Variants in AOPEP observed in about 807,000 individuals in gnomAD.
AOPEP encodes the protein aminopeptidase O (putative).
AOPEP carries 77 observed loss-of-function variants against 98.1 expected under a neutral mutation model. The observed-to-expected ratio is 0.78, with a 90% CI of 0.65 to 0.95. The LOEUF (loss-of-function observed/expected upper bound fraction) is 0.95, where lower values mean the gene tolerates loss of function less well. Ranked by LOEUF, AOPEP falls within the 40% of genes least tolerant of loss-of-function variation. The pLI is 0.00. For synonymous variants in AOPEP, 346 were observed against 365.3 expected (o/e 0.95, Z 0.60); for missense variants, 1,024 against 1,024.7 (o/e 1.00, Z 0.01).
At chr9:95,122,110 G>A in the AOPEP span, among the ~76,000 whole-genome samples, 133 of 151,998 alleles carry the variant, frequency 8.8e-4, 1 homozygote, top group East Asian at 6.8e-3. Flanking sequence ...TGCCTGCCTC[G>A]ACCTCCCAAA....
chr9:95,058,986 A>G (rs972506590), intron 13 of AOPEP, among the ~76,000 whole-genome samples: 3 of 152,216 alleles, frequency 2.0e-5, no homozygotes, highest in African/African-American at 4.8e-5. Context: ...CTGGATACCC[A>G]CATGCACCCG....
intron 11 of AOPEP, among the ~76,000 whole-genome samples, chr9:94,996,315 C>T (rs2061226392): frequency 1.3e-5 from 2 of 151,800 alleles, no homozygotes; most frequent in South Asian, 2.1e-4. Flanking sequence ...GGAACAGCCA[C>T]TCCACCCCCC....
chr9:94,743,194 GAA>G (rs1833606862), intron 1 of AOPEP, among the ~76,000 whole-genome samples: 2 of 42,590 alleles, frequency 4.7e-5, no homozygotes, highest in African/African-American at 1.8e-4. Context: ...AGAAGAAGAA[GAA>G]GAAGAGGAAG....
chr9:94,851,746 T>C (rs1317295004), intron 5 of AOPEP, among the ~76,000 whole-genome samples: 2 of 148,610 alleles, frequency 1.3e-5, no homozygotes. Context: ...CTGTAGTAGC[T>C]AAATTAACCT....
chr9:94,793,654 C>T (rs184087768), intron 4 of AOPEP, among the ~76,000 whole-genome samples: 4 of 144,596 alleles, frequency 2.8e-5, no homozygotes, highest in South Asian at 2.2e-4. Context: ...TCCAGCCTGG[C>T]GACAGAGCAA....
At chr9:95,068,726 T>C (rs1223615409) in intron 14 of AOPEP, among the ~76,000 whole-genome samples, 2 of 152,204 alleles carry the variant, frequency 1.3e-5, no homozygotes, top group African/African-American at 4.8e-5. Flanking sequence ...CTAAAAGTTG[T>C]ATAGTTTTAG....
At chr9:94,885,555 C>T (rs1286222698) in intron 5 of AOPEP, among the ~76,000 whole-genome samples, 1 of 152,012 alleles carries the variant, frequency 6.6e-6, no homozygotes, top group Non-Finnish European at 1.5e-5. Context: ...TACTCGCATT[C>T]CTCAGCTAGA....
chr9:94,783,847 A>G (rs968075333), intron 3 of AOPEP, among the ~76,000 whole-genome samples: 9 of 152,200 alleles, frequency 5.9e-5, no homozygotes, highest in Non-Finnish European at 1.0e-4. Context: ...CATAACATAT[A>G]TAATAGTTTG....
the AOPEP span, chr9:95,100,442 C>T: frequency 8.6e-6 from 2 of 231,296 alleles, no homozygotes; most frequent in African/African-American, 2.2e-5. Context: ...CAAAACTTTG[C>T]TCATACCTCA....
At chr9:94,843,520 G>T (rs2042517840) in intron 5 of AOPEP, among the ~76,000 whole-genome samples, 1 of 152,184 alleles carries the variant, frequency 6.6e-6, no homozygotes, top group East Asian at 1.9e-4. Flanking sequence ...TGGGCACAGT[G>T]TCTGGCATCT....
chr9:95,059,036 G>A (rs2067087129), intron 13 of AOPEP, among the ~76,000 whole-genome samples: 1 of 152,372 alleles, frequency 6.6e-6, no homozygotes, highest in South Asian at 2.1e-4. Flanking sequence ...GCCTACCAGA[G>A]GCTGGGCGCC....
intron 10 of AOPEP, among the ~76,000 whole-genome samples, chr9:94,968,216 G>C (rs1477351719): frequency 1.3e-5 from 2 of 152,088 alleles, no homozygotes; most frequent in Non-Finnish European, 2.9e-5. Flanking sequence ...GTAAAATCAG[G>C]CTCTCCTAGA....
chr9:95,055,929 T>C (rs559699182), intron 13 of AOPEP, among the ~76,000 whole-genome samples: 2 of 151,926 alleles, frequency 1.3e-5, no homozygotes, highest in East Asian at 3.9e-4. Flanking sequence ...CCCTGCGTAG[T>C]AACATAGACA....
At chr9:95,063,281 C>T (rs932197065) in intron 14 of AOPEP, among the ~76,000 whole-genome samples, 2 of 152,228 alleles carry the variant, frequency 1.3e-5, no homozygotes, top group Non-Finnish European at 1.5e-5. Flanking sequence ...AACACATTTC[C>T]TGCCTGCCTT....
intron 3 of AOPEP, among the ~76,000 whole-genome samples, chr9:94,788,375 A>G (rs1844905912): frequency 6.6e-6 from 1 of 152,096 alleles, no homozygotes; most frequent in African/African-American, 2.4e-5. Context: ...GCCTTCATTT[A>G]TATCATTATA....
chr9:94,936,805 G>C (rs761065805), intron 7 of AOPEP, among the ~76,000 whole-genome samples: 4 of 152,322 alleles, frequency 2.6e-5, no homozygotes, highest in Middle Eastern at 3.4e-3. Flanking sequence ...GGGTTCCCAT[G>C]GCTGGCACGT....
At chr9:95,063,612 G>A (rs1448982170) in intron 14 of AOPEP, among the ~76,000 whole-genome samples, 1 of 152,238 alleles carries the variant, frequency 6.6e-6, no homozygotes, top group Non-Finnish European at 1.5e-5. Context: ...GCTGCAGCGT[G>A]CCCTGCTTTG....
chr9:94,870,074 C>CGCCTCCT (rs1196396191), intron 5 of AOPEP, among the ~76,000 whole-genome samples: 2 of 147,758 alleles, frequency 1.4e-5, no homozygotes, highest in African/African-American at 5.0e-5. Context: ...CTGCAACCTC[C>CGCCTCCT]GCCTCCTGGG....
intron 5 of AOPEP, among the ~76,000 whole-genome samples, chr9:94,906,659 C>T (rs760788197): frequency 6.6e-6 from 1 of 151,976 alleles, no homozygotes; most frequent in Non-Finnish European, 1.5e-5. Context: ...CAGAGTGAGA[C>T]CTTGTCTCTA....
Sources: gnomAD v4.1 joint callset for allele counts (sites outside exome capture counted in the v4.1 genomes callset) on GRCh38, gnomAD v4.1.1 for gene constraint, MANE v1.5 for transcripts, NCBI Gene and HGNC (gene_info 2026-07-23, HGNC 2026-07-21) for gene names.